The following C11orf65 variants were observed in gnomAD, a reference collection of about 807,000 sequenced individuals.
The protein encoded by C11orf65 is protein MFI.
A neutral mutation model predicts 35.3 loss-of-function variants in C11orf65; 38 were observed. The observed-to-expected ratio is 1.08, with a 90% CI of 0.83 to 1.41. The LOEUF (loss-of-function observed/expected upper bound fraction) is 1.41, where lower values mean the gene tolerates loss of function less well. Ranked by LOEUF, C11orf65 falls within the 40% of genes most tolerant of loss-of-function variation. The probability of loss-of-function intolerance (pLI) is 0.00; values close to 1 mark genes in which losing one functional copy is unlikely to be tolerated. For synonymous variants in C11orf65, 105 were observed against 114.4 expected (o/e 0.92, Z 0.53); for missense variants, 370 against 367.1 (o/e 1.01, Z -0.06).
intron 2 of C11orf65, chr11:108,353,905 G>A (rs764861531): frequency 1.8e-5 from 29 of 1,592,814 alleles, no homozygotes; most frequent in Admixed American, 1.3e-4. Flanking sequence ...GTAAAGGAGG[G>A]AAATAATTTT....
intron 6 of C11orf65, chr11:108,321,225 A>G: frequency 6.3e-7 from 1 of 1,587,228 alleles, no homozygotes; most frequent in Non-Finnish European, 8.6e-7. Flanking sequence ...AGAACTCTTT[A>G]ACAACAAATT....
chr11:108,388,594 T>C (rs950359170), intron 7 of C11orf65, among the ~76,000 whole-genome samples: 10 of 152,248 alleles, frequency 6.6e-5, no homozygotes, highest in African/African-American at 2.4e-4. Context: ...ATAACAGACA[T>C]AGGCACAGAG....
chr11:108,450,827 T>G (rs896076647), intron 2 of C11orf65, among the ~76,000 whole-genome samples: 1 of 151,884 alleles, frequency 6.6e-6, no homozygotes, highest in African/African-American at 2.4e-5. Flanking sequence ...GTCGGCTTCA[T>G]CCCTGGGATG....
chr11:108,400,478 C>G (rs1038141468), intron 6 of C11orf65, among the ~76,000 whole-genome samples: 4 of 152,144 alleles, frequency 2.6e-5, no homozygotes, highest in African/African-American at 9.7e-5. Context: ...GGGACAAGAG[C>G]AGGAAAGGTG....
At chr11:108,409,691 G>A (rs549653844) in intron 3 of C11orf65, among the ~76,000 whole-genome samples, 1 of 152,100 alleles carries the variant, frequency 6.6e-6, no homozygotes, top group South Asian at 2.1e-4. Context: ...TGTTAAGACT[G>A]GGCCACACAG....
chr11:108,460,578 G>A (rs1249869681), intron 2 of C11orf65, among the ~76,000 whole-genome samples: 1 of 152,144 alleles, frequency 6.6e-6, no homozygotes, highest in East Asian at 1.9e-4. Context: ...AAGAAATAAA[G>A]TGTTGAGAGG....
Position 108,334,006 on chromosome 11 carries a change from A to G in C11orf65, c.299+1214T>C. 6.7e-7 allele frequency: 1 copy of G among 1,487,610 alleles called. No individual in the cohort carries two copies. The highest frequency in any genetic ancestry group is 1.1e-5 in the South Asian group (1 of 87,838). The allele number at this position is 1,487,610 out of a possible 1,614,324, so 92.2% of individuals were successfully genotyped here. Reference sequence around the variant, plus strand: ...TAACTCTTGATTTTTTTTAAACTAAATTTTTTTTATTAGATTGAACCATTT... The same window carrying G: ...TAACTCTTGATTTTTTTTAAACTAAGTTTTTTTTATTAGATTGAACCATTT... On this transcript the variant is annotated intron_variant, in intron 3 of 3. Transcript: ENST00000524755.
intron 6 of C11orf65, among the ~76,000 whole-genome samples, chr11:108,321,734 G>A (rs2085243568): frequency 6.6e-6 from 1 of 151,734 alleles, no homozygotes; most frequent in Non-Finnish European, 1.5e-5. Context: ...GTTGTGGTGA[G>A]CCGAGATTGC....
chr11:108,444,731 C>T (rs945373956), intron 2 of C11orf65, among the ~76,000 whole-genome samples: 2 of 152,132 alleles, frequency 1.3e-5, no homozygotes, highest in Admixed American at 1.3e-4. Context: ...AGGTTCATCT[C>T]ACTACGGAGT....
At chr11:108,354,564 C>T (rs1289299015) in intron 2 of C11orf65, among the ~76,000 whole-genome samples, 1 of 152,174 alleles carries the variant, frequency 6.6e-6, no homozygotes, top group Non-Finnish European at 1.5e-5. Flanking sequence ...GTGGTGCATG[C>T]CTGTAATCAA....
intron 3 of C11orf65, among the ~76,000 whole-genome samples, chr11:108,411,624 T>C (rs2092658127): frequency 6.6e-6 from 1 of 152,200 alleles, no homozygotes; most frequent in African/African-American, 2.4e-5. Context: ...ATATTTCTTC[T>C]GGTAATTATG....
rs876658823 is a variant in C11orf65 at position 108,353,855 on chromosome 11, A to T, written c.227-18563T>A. On this transcript the variant is annotated intron_variant, in intron 2 of 3. Transcript: ENST00000524755. The stretch of plus-strand genomic sequence containing the variant: ...AGATATTGTGGATGGCATGGGCATT[A>T]CGGGTGTTGAAGGTGTCTTCAGAAG... 6.2e-7 allele frequency: 1 copy of T among 1,613,820 alleles called. No homozygotes were observed. Among genetic ancestry groups the T allele is most frequent in the Non-Finnish European group, 8.5e-7 (1 of 1,179,788 alleles).
intron 6 of C11orf65, among the ~76,000 whole-genome samples, chr11:108,394,571 T>C (rs1308685686): frequency 6.6e-6 from 1 of 152,304 alleles, no homozygotes; most frequent in Admixed American, 6.5e-5. Context: ...GCTGAGTAAC[T>C]AGAGAGAAGT....
intron 2 of C11orf65, among the ~76,000 whole-genome samples, chr11:108,375,111 C>T (rs1003764146): frequency 7.9e-5 from 12 of 152,168 alleles, no homozygotes; most frequent in Non-Finnish European, 1.3e-4. Flanking sequence ...GGCAGGCCAA[C>T]GTTCAGGTTC....
At chr11:108,367,624 C>T (rs1425217009) in intron 2 of C11orf65, 1 of 208,828 alleles carries the variant, frequency 4.8e-6, no homozygotes, top group Admixed American at 5.9e-5. Context: ...GTATTTGGAC[C>T]TTGAAGGTTA....
chr11:108,318,878 GA>G (rs1248277604), intron 6 of C11orf65, among the ~76,000 whole-genome samples: 6 of 149,614 alleles, frequency 4.0e-5, no homozygotes, highest in South Asian at 2.1e-4. Context: ...TGCCTTTGTA[GA>G]AAAAAAAAAT....
intron 1 of C11orf65, among the ~76,000 whole-genome samples, chr11:108,465,995 A>AC (rs1488051172): frequency 2.0e-5 from 2 of 99,430 alleles, no homozygotes; most frequent in African/African-American, 1.0e-4. Context: ...AAAAAAAAAA[A>AC]AACAACAACA....
chr11:108,356,626 A>T (rs1201022610), intron 2 of C11orf65, among the ~76,000 whole-genome samples: 1 of 151,602 alleles, frequency 6.6e-6, no homozygotes, highest in Non-Finnish European at 1.5e-5. Context: ...TACTCTACCT[A>T]GTTTCAGTCA....
intron 6 of C11orf65, among the ~76,000 whole-genome samples, chr11:108,401,112 G>GAA (rs35060879): frequency 3.5e-5 from 5 of 142,696 alleles, no homozygotes; most frequent in Non-Finnish European, 7.7e-5. Flanking sequence ...CCGTCTCAAA[G>GAA]AAAAAAAAAA....
Sources: gnomAD v4.1 joint callset for allele counts (sites outside exome capture counted in the v4.1 genomes callset) on GRCh38, gnomAD v4.1.1 for gene constraint, MANE v1.5 for transcripts, NCBI Gene and HGNC (gene_info 2026-07-23, HGNC 2026-07-21) for gene names.